GNG2: variants seen among roughly 807,000 people sequenced by gnomAD.
GNG2 encodes guanine nucleotide-binding protein G(I)/G(S)/G(O) subunit gamma-2.
Under a neutral mutation model 5.5 loss-of-function variants are expected in GNG2, and 5 were observed. That is an observed-to-expected ratio of 0.91 (90% CI 0.48 to 1.92). GNG2 has a LOEUF of 1.92. Ranked by LOEUF, GNG2 falls within the 30% of genes most tolerant of loss-of-function variation. The pLI is 0.01. For missense variants in GNG2, 55 were observed against 88.4 expected (o/e 0.62, Z 1.52); for synonymous variants, 28 against 32.0 (o/e 0.88, Z 0.42).
At chr14:51,880,257 G>C (rs1446524156) in intron 2 of GNG2, among the ~76,000 whole-genome samples, 4 of 152,178 alleles carry the variant, frequency 2.6e-5, no homozygotes, top group Non-Finnish European at 5.9e-5. Flanking sequence ...ACAAGGTCTT[G>C]AACAGAACCA....
intron 2 of GNG2, among the ~76,000 whole-genome samples, chr14:51,907,224 A>G (rs914927389): frequency 3.3e-5 from 5 of 152,208 alleles, no homozygotes; most frequent in African/African-American, 1.2e-4. Flanking sequence ...CCTTCCAGAC[A>G]TGCTGGCCAT....
chr14:51,849,576 A>T (rs879302540), intron 2 of GNG2, among the ~76,000 whole-genome samples: 4 of 152,186 alleles, frequency 2.6e-5, no homozygotes, highest in African/African-American at 4.8e-5. Flanking sequence ...TACTGGGTAC[A>T]TTCCTGCTGC....
At chr14:51,923,456 T>C (rs1157398215) in intron 2 of GNG2, among the ~76,000 whole-genome samples, 3 of 152,034 alleles carry the variant, frequency 2.0e-5, no homozygotes, top group South Asian at 4.1e-4. Flanking sequence ...TATATATATA[T>C]ACATGTTTAC....
intron 3 of GNG2, among the ~76,000 whole-genome samples, chr14:51,953,661 G>T (rs778550093): frequency 1.3e-5 from 2 of 152,214 alleles, no homozygotes; most frequent in Non-Finnish European, 2.9e-5. Flanking sequence ...AGCCAGGCAG[G>T]CTTGCTGTGG....
At chr14:51,870,027 G>T (rs1390042924) in intron 1 of GNG2, among the ~76,000 whole-genome samples, 1 of 152,172 alleles carries the variant, frequency 6.6e-6, no homozygotes, top group Non-Finnish European at 1.5e-5. Context: ...GGAAGAGGGG[G>T]TTAGTGGGTA....
chr14:51,842,746 C>T (rs1023052599), intron 2 of GNG2, among the ~76,000 whole-genome samples: 1 of 151,584 alleles, frequency 6.6e-6, no homozygotes, highest in South Asian at 2.1e-4. Flanking sequence ...CTCACTGCAA[C>T]CTCCACCTGC....
intron 2 of GNG2, chr14:51,917,496 A>ATTTTTTTTTT (rs1412225738): frequency 4.6e-6 from 2 of 439,138 alleles, no homozygotes; most frequent in Non-Finnish European, 9.1e-6. Flanking sequence ...AGTTTATTAA[A>ATTTTTTTTTT]ACCATGTCTT....
At chr14:51,828,888 C>G (rs754103517) in intron 2 of GNG2, among the ~76,000 whole-genome samples, 29 of 152,174 alleles carry the variant, frequency 1.9e-4, no homozygotes, top group Non-Finnish European at 4.0e-4. Flanking sequence ...CTCCCCGCTG[C>G]CTGGCAGTTT....
chr14:51,862,080 A>G (rs1170246856), intron 1 of GNG2, among the ~76,000 whole-genome samples: 1 of 152,158 alleles, frequency 6.6e-6, no homozygotes, highest in Admixed American at 6.5e-5. Flanking sequence ...CATCGTTCTC[A>G]CTTGTTAAGA....
chr14:51,910,831 A>G (rs935936076), intron 2 of GNG2, among the ~76,000 whole-genome samples: 2 of 152,166 alleles, frequency 1.3e-5, no homozygotes, highest in Non-Finnish European at 2.9e-5. Context: ...TCTCCCCATT[A>G]CCCTAAAATG....
In GNG2 at chr14:51,925,689, G is replaced by C. The variant is rs576431824; in HGVS notation, c.-29-24961G>C. On this transcript the variant is annotated intron_variant, in intron 2 of 3. Coordinates refer to ENST00000556766, the MANE Select transcript of GNG2 (RefSeq NM_053064.5). ...TGCAGTGGCATCATCTCAGCTTACT[G>C]CAACCTCCGCCTCCCAGGTTCAAGT... Among the ~76,000 whole-genome samples the C allele has an allele frequency of 3.9e-3, 598 of 152,232 alleles. 6 individuals are homozygous for C. Among genetic ancestry groups the C allele is most frequent in the Middle Eastern group, 0.017 (5 of 294 alleles).
intron 3 of GNG2, among the ~76,000 whole-genome samples, chr14:51,952,357 C>A (rs564966411): frequency 1.6e-3 from 245 of 152,358 alleles, no homozygotes; most frequent in African/African-American, 5.6e-3. Context: ...CCTTTGCCAT[C>A]TTCCTCTTCT....
intron 2 of GNG2, among the ~76,000 whole-genome samples, chr14:51,852,281 A>C (rs1881943430): frequency 6.6e-6 from 1 of 152,240 alleles, no homozygotes; most frequent in Non-Finnish European, 1.5e-5. Context: ...CAGAAACTTG[A>C]CTTATCTTCC....
chr14:51,865,961 A>T (rs1030247664), intron 1 of GNG2, among the ~76,000 whole-genome samples: 20 of 130,300 alleles, frequency 1.5e-4, no homozygotes, highest in Non-Finnish European at 3.0e-4. Flanking sequence ...AAAAAAAAAA[A>T]GGGAGCTCAA....
intron 2 of GNG2, among the ~76,000 whole-genome samples, chr14:51,896,118 T>G (rs530130718): frequency 1.4e-4 from 21 of 152,340 alleles, no homozygotes; most frequent in African/African-American, 4.6e-4. Flanking sequence ...AACAGGAATT[T>G]CTTCACACTG....
intron 2 of GNG2, among the ~76,000 whole-genome samples, chr14:51,925,294 A>G (rs190373343): frequency 6.6e-6 from 1 of 152,370 alleles, no homozygotes; most frequent in East Asian, 1.9e-4. Context: ...AACATATACA[A>G]TATAACATAT....
intron 2 of GNG2, among the ~76,000 whole-genome samples, chr14:51,834,479 G>C (rs775197537): frequency 1.3e-5 from 2 of 152,176 alleles, no homozygotes; most frequent in Non-Finnish European, 2.9e-5. Context: ...TCAAGTGCTG[G>C]GTCCAGGTGG....
chr14:51,905,008 A>G (rs1885821813), intron 2 of GNG2, among the ~76,000 whole-genome samples: 1 of 151,966 alleles, frequency 6.6e-6, no homozygotes, highest in African/African-American at 2.4e-5. Context: ...ACTTAAAAAT[A>G]TTTTTTCTTT....
At chr14:51,940,439 C>T (rs1426787696) in intron 2 of GNG2, 1 of 152,322 alleles carries the variant, frequency 6.6e-6, no homozygotes, top group African/African-American at 2.4e-5. Flanking sequence ...TTGGTATAGA[C>T]ATCTACCCTA....
Sources: allele counts gnomAD v4.1 joint callset (sites outside exome capture counted in the v4.1 genomes callset), GRCh38; gene constraint gnomAD v4.1.1; transcripts MANE v1.5; gene names NCBI Gene and HGNC (gene_info 2026-07-23, HGNC 2026-07-21).